SUGT1: variants seen among roughly 807,000 people sequenced by gnomAD.
SUGT1 encodes protein SGT1 homolog.
SUGT1 carries 15 observed loss-of-function variants against 56.1 expected under a neutral mutation model. The observed-to-expected ratio is 0.27, with a 90% CI of 0.18 to 0.41. The LOEUF is 0.41. SUGT1 is among the 10% of genes least tolerant of loss of function. SUGT1 has a pLI of 1.00. For missense variants in SUGT1, 347 were observed against 382.2 expected (o/e 0.91, Z 0.77); for synonymous variants, 123 against 128.6 (o/e 0.96, Z 0.30).
intron 10 of SUGT1, among the ~76,000 whole-genome samples, chr13:52,674,768 T>A (rs1338215612): frequency 3.3e-5 from 5 of 152,244 alleles, no homozygotes; most frequent in Admixed American, 3.3e-4. Flanking sequence ...CTGTTTTATA[T>A]AATGTTTATT....
At chr13:52,658,055 A>C (rs1462379639) in intron 3 of SUGT1, 16 of 1,185,090 alleles carry the variant, frequency 1.4e-5, no homozygotes, top group Non-Finnish European at 1.7e-5. Context: ...GACCACCTGT[A>C]TTTAAAAAGT....
chr13:52,681,632 C>A (rs1963377656), intron 12 of SUGT1, among the ~76,000 whole-genome samples: 1 of 151,612 alleles, frequency 6.6e-6, no homozygotes, highest in African/African-American at 2.4e-5. Flanking sequence ...CCACAGGATC[C>A]CTTGAGGCTA....
chr13:52,683,156 G>A (rs1963443887), intron 12 of SUGT1, among the ~76,000 whole-genome samples: 1 of 152,166 alleles, frequency 6.6e-6, no homozygotes, highest in Admixed American at 6.5e-5. Context: ...AATAAGAGTA[G>A]TGAGAGTGGA....
intron 11 of SUGT1, among the ~76,000 whole-genome samples, chr13:52,677,919 C>G (rs1963213980): frequency 6.6e-6 from 1 of 152,070 alleles, no homozygotes; most frequent in South Asian, 2.1e-4. Flanking sequence ...GTTACAGTTA[C>G]CATGTTTTTT....
At chr13:52,678,804 A>G (rs1339300955) in intron 11 of SUGT1, among the ~76,000 whole-genome samples, 1 of 150,784 alleles carries the variant, frequency 6.6e-6, no homozygotes. Context: ...CAACCTTCCG[A>G]GTAGCTGGTA....
In SUGT1 at chr13:52,687,882, C is replaced by A; in HGVS notation, c.*47C>A. On this transcript the variant is annotated 3_prime_UTR_variant, in exon 13 of 13. Coordinates refer to ENST00000310528, the MANE Select transcript of SUGT1 (RefSeq NM_006704.5). ...GTATTGTGTATATTCACCTAATGCC[C>A]ATTGTGTATTGATATTGCATTCTTG... The A allele has an allele frequency of 8.0e-7, 1 of 1,255,764 alleles. No individual in the cohort carries two copies. The highest frequency in any genetic ancestry group is 1.1e-6 in the Non-Finnish European group (1 of 906,570). 77.8% of individuals were successfully genotyped at this position (1,255,764 alleles called of 1,614,324 possible).
chr13:52,678,374 G>A (rs948292758), intron 11 of SUGT1, among the ~76,000 whole-genome samples: 1 of 152,262 alleles, frequency 6.6e-6, no homozygotes, highest in South Asian at 2.1e-4. Context: ...AAGAGAAAGC[G>A]TAGAAAAACA....
chr13:52,655,176 T>C (rs1962102594), intron 2 of SUGT1, among the ~76,000 whole-genome samples: 1 of 152,152 alleles, frequency 6.6e-6, no homozygotes, highest in Non-Finnish European at 1.5e-5. Context: ...AAACCCCGTC[T>C]CTATTAAAAA....
chr13:52,663,252 C>A, intron 7 of SUGT1, 140 bp downstream of exon 7: 1 of 742,114 alleles, frequency 1.3e-6, no homozygotes, highest in Non-Finnish European at 2.0e-6. Context: ...CCTCTAGGCA[C>A]TGAAATAAAA....
intron 2 of SUGT1, among the ~76,000 whole-genome samples, chr13:52,655,906 C>T (rs1268665375): frequency 2.2e-4 from 33 of 152,034 alleles, no homozygotes; most frequent in Admixed American, 2.2e-3. Flanking sequence ...ATGTGAAGCC[C>T]CCCAGTAGTT....
chr13:52,666,411 C>T (rs9526970), intron 9 of SUGT1, among the ~76,000 whole-genome samples: 145,723 of 152,316 alleles, frequency 0.96, 69,727 homozygotes, highest in East Asian at 0.99. Flanking sequence ...TGATTTCTTA[C>T]CATTTAGTAG....
chr13:52,665,510 C>CTGT, intron 8 of SUGT1, 127 bp from the exon 9 acceptor site: 1 of 259,982 alleles, frequency 3.8e-6, no homozygotes, highest in Non-Finnish European at 6.1e-6. Context: ...TTCTGTGAAT[C>CTGT]AGTAGTTGCT....
intron 11 of SUGT1, among the ~76,000 whole-genome samples, chr13:52,678,681 G>GTT (rs11325152): frequency 5.6e-5 from 8 of 141,786 alleles, no homozygotes; most frequent in South Asian, 2.3e-4. Context: ...TTTTTTGTTG[G>GTT]TTTTTTTTTT....
intron 10 of SUGT1, among the ~76,000 whole-genome samples, chr13:52,673,749 T>G (rs1963032656): frequency 6.6e-6 from 1 of 152,234 alleles, no homozygotes; most frequent in African/African-American, 2.4e-5. Flanking sequence ...CACAGTACTT[T>G]CCAGGCCCTC....
rs148556359 is a variant in SUGT1, at chr13:52,672,158, A to G, written c.628-4072A>G. Among the ~76,000 whole-genome samples the G allele has an allele frequency of 2.9e-3, 448 of 152,306 alleles. 3 individuals carry two copies. Among genetic ancestry groups the G allele is most frequent in the Admixed American group, 8.6e-3 (131 of 15,298 alleles). ...CGTTATCATAGAAAATCTGGAAAAG[A>G]TAAAGGAGTTTAGGAAGTAATCACT... is the stretch of plus-strand genomic sequence containing the variant. On this transcript the variant is annotated intron_variant, in intron 10 of 12. Coordinates refer to ENST00000310528, the MANE Select transcript of SUGT1 (RefSeq NM_006704.5).
chr13:52,653,487 T>G (rs1470248773), intron 2 of SUGT1, among the ~76,000 whole-genome samples: 2 of 152,180 alleles, frequency 1.3e-5, no homozygotes, highest in East Asian at 3.9e-4. Context: ...TACGTAAAAG[T>G]GTCGGTATGA....
intron 10 of SUGT1, among the ~76,000 whole-genome samples, chr13:52,667,805 T>A (rs934112209): frequency 1.3e-4 from 20 of 152,218 alleles, no homozygotes; most frequent in African/African-American, 4.8e-4. Context: ...GCCCTGTGTA[T>A]TTAGTCTAGG....
chr13:52,680,439 A>C (rs187143705), intron 12 of SUGT1, among the ~76,000 whole-genome samples: 1 of 152,326 alleles, frequency 6.6e-6, no homozygotes, highest in Admixed American at 6.5e-5. Flanking sequence ...AGCTGAGTGA[A>C]CTTCTGTTGT....
chr13:52,656,068 T>C (rs943420511), intron 2 of SUGT1, among the ~76,000 whole-genome samples: 11 of 152,030 alleles, frequency 7.2e-5, no homozygotes, highest in Non-Finnish European at 2.9e-5. Context: ...TAGGAATCAG[T>C]TGGATTTTAT....
Sources: gnomAD v4.1 joint callset for allele counts (sites outside exome capture counted in the v4.1 genomes callset) on GRCh38, gnomAD v4.1.1 for gene constraint, MANE v1.5 for transcripts, NCBI Gene and HGNC (gene_info 2026-07-23, HGNC 2026-07-21) for gene names.